The following CCZ1B variants were observed in gnomAD, a reference collection of about 807,000 sequenced individuals.
CCZ1B encodes the protein CCZ1B vacuolar protein trafficking and biogenesis associated.
A neutral mutation model predicts 58.8 loss-of-function variants in CCZ1B; 25 were observed. That is an observed-to-expected ratio of 0.43 (90% CI 0.31 to 0.59). The LOEUF is 0.59. Ranked by LOEUF, CCZ1B falls within the 20% of genes least tolerant of loss-of-function variation. The probability of loss-of-function intolerance (pLI) is 0.12; values close to 1 mark genes in which losing one functional copy is unlikely to be tolerated. For missense variants in CCZ1B, 180 were observed against 501.5 expected (o/e 0.36, Z 6.12); for synonymous variants, 66 against 173.2 (o/e 0.38, Z 4.86).
chr7:6,824,319 T>C lies in CCZ1B; in HGVS notation c.312+136A>G, dbSNP rs1012498819. On this transcript the variant is annotated intron_variant, in intron 3 of 14. Transcript: ENST00000316731. ...AATAAAGCAAATAGGAAGAACTTGA[T>C]TTTAAAATTGCAACCAATTTTATTT... The C allele has an allele frequency of 3.5e-6, 5 of 1,426,494 alleles. No homozygotes were observed. The African/African-American group carries it at 6.1e-5, about 17-fold the overall frequency. The allele number at this position is 1,426,494 out of a possible 1,614,324, so 88.4% of individuals were successfully genotyped here.
chr7:6,818,565 C>CAGAA (rs1783046860), intron 7 of CCZ1B, among the ~76,000 whole-genome samples: 2 of 105,492 alleles, frequency 1.9e-5, no homozygotes, highest in Admixed American at 1.1e-4. Context: ...GAAAGAAAGA[C>CAGAA]AGAAAGAAAG....
chr7:6,816,374 G>A (rs1325269192), intron 7 of CCZ1B, among the ~76,000 whole-genome samples: 2 of 148,576 alleles, frequency 1.3e-5, no homozygotes, highest in Admixed American at 6.7e-5. Context: ...CCAGCTACTT[G>A]GGAGACTGAG....
intron 7 of CCZ1B, among the ~76,000 whole-genome samples, chr7:6,816,971 C>T (rs150768280): frequency 7.1e-3 from 1,085 of 152,188 alleles, no homozygotes; most frequent in African/African-American, 0.025. Context: ...ACTATGCTGC[C>T]CAGGCTGGTC....
At chr7:6,821,025 C>G (rs1401694020) in intron 6 of CCZ1B, among the ~76,000 whole-genome samples, 2 of 149,396 alleles carry the variant, frequency 1.3e-5, no homozygotes, top group African/African-American at 5.0e-5. Context: ...TATTTCCCCC[C>G]CGAGATGGAG....
At chr7:6,818,290 T>C (rs1222771915) in intron 7 of CCZ1B, among the ~76,000 whole-genome samples, 2 of 149,842 alleles carry the variant, frequency 1.3e-5, no homozygotes, top group Non-Finnish European at 3.0e-5. Context: ...GGCTCACACC[T>C]GTAATCGCGG....
In CCZ1B at chr7:6,817,787, C is replaced by T. The variant is rs574368658; in HGVS notation, c.698+1979G>A. Among the ~76,000 whole-genome samples the T allele has an allele frequency of 5.6e-4, 84 of 149,564 alleles. 5 individuals carry two copies. Among genetic ancestry groups the T allele is most frequent in the Admixed American group, 1.1e-3 (16 of 15,016 alleles). On this transcript the variant is annotated intron_variant, in intron 7 of 14. Coordinates refer to ENST00000316731, the MANE Select transcript of CCZ1B (RefSeq NM_198097.5). ...CCCAGCACTGGGAGGCCGAGGTGGGCGGATCCTTTGAGGTCAGGAGTTCGA... is the reference window on the plus strand; with the variant it reads ...CCCAGCACTGGGAGGCCGAGGTGGGTGGATCCTTTGAGGTCAGGAGTTCGA...
Position 6,801,864 on chromosome 7 carries a change from G to A in CCZ1B, c.1107-341C>T, listed in dbSNP as rs1218762620. Among the ~76,000 whole-genome samples, 43 of 114,918 alleles carry A rather than the reference G, an allele frequency of 3.7e-4. No individual in the cohort carries two copies. The East Asian group carries it at 5.7e-3, about 15-fold the overall frequency. The allele number at this position is 114,918 out of a possible 152,430, so 75.4% of individuals were successfully genotyped here. On this transcript the variant is annotated intron_variant, in intron 12 of 14. Transcript: ENST00000316731. Reference sequence around the variant, plus strand: ...GCAGGGATTACAGGCGTGAGCCCCCGCGCCCGGCCCTGGCCCTCTTTTTCT... The same window carrying A: ...GCAGGGATTACAGGCGTGAGCCCCCACGCCCGGCCCTGGCCCTCTTTTTCT...
At chr7:6,803,718 C>T (rs1472785114) in intron 12 of CCZ1B, among the ~76,000 whole-genome samples, 1 of 148,480 alleles carries the variant, frequency 6.7e-6, no homozygotes, top group Non-Finnish European at 1.5e-5. Context: ...CATCCCAGCA[C>T]TTTGGGAGGC....
intron 11 of CCZ1B, chr7:6,805,742 C>CAA (rs879632125): frequency 0.34 from 104,400 of 309,036 alleles, 18,449 homozygotes; most frequent in South Asian, 0.57. Flanking sequence ...AAACAAACAA[C>CAA]CACAAAAACA....
intron 4 of CCZ1B, 142 bp from the exon 5 acceptor site, chr7:6,823,502 A>C: frequency 7.9e-7 from 1 of 1,271,654 alleles, no homozygotes; most frequent in Non-Finnish European, 1.0e-6. Context: ...TGCTGAAAAA[A>C]AGTGTTTGCG....
chr7:6,803,796 T>C (rs1265153009), intron 12 of CCZ1B, among the ~76,000 whole-genome samples: 2 of 151,224 alleles, frequency 1.3e-5, no homozygotes, highest in East Asian at 1.9e-4. Flanking sequence ...ACCCAGTCTC[T>C]ACAAAAATAC....
rs1282544756 is a variant in CCZ1B, at chr7:6,815,671, A to G, written c.699-826T>C. On this transcript the variant is annotated intron_variant, in intron 7 of 14. Coordinates refer to ENST00000316731, the MANE Select transcript of CCZ1B (RefSeq NM_198097.5). ...CTGACCGCGAAGTTAAGGAAGGTAA[A>G]GAGTTAAACTTCAGCCCAGGCACTG... Among the ~76,000 whole-genome samples the G allele has an allele frequency of 2.7e-5, 4 of 149,084 alleles. 1 individual carries two copies. The highest frequency in any genetic ancestry group is 5.9e-5 in the Non-Finnish European group (4 of 67,576).
chr7:6,799,297 C>A lies in CCZ1B; in HGVS notation c.1394-18G>T. ...GACCTCTTCTGCAACAAGGACACAACAGTGAGGAAGGAAGAGGCAGTCACT... is the reference window on the plus strand; with the variant it reads ...GACCTCTTCTGCAACAAGGACACAAAAGTGAGGAAGGAAGAGGCAGTCACT... On this transcript the variant is annotated intron_variant, in intron 14 of 14. Transcript: ENST00000316731. The A allele has an allele frequency of 2.8e-6, 3 of 1,074,236 alleles. 1 individual carries two copies. Among genetic ancestry groups the A allele is most frequent in the Non-Finnish European group, 3.5e-6 (3 of 846,110 alleles). 66.5% of individuals were successfully genotyped at this position (1,074,236 alleles called of 1,614,324 possible). A position where few individuals can be genotyped will look rare whatever the true frequency, so the allele number is the denominator to read the frequency against.
In CCZ1B at chr7:6,818,159, T is replaced by C. The variant is rs191056288; in HGVS notation, c.698+1607A>G. Among the ~76,000 whole-genome samples, 70 of 149,558 alleles carry C rather than the reference T, an allele frequency of 4.7e-4. 9 individuals carry two copies. Among genetic ancestry groups the C allele is most frequent in the African/African-American group, 1.6e-3 (63 of 39,860 alleles). Reference sequence around the variant, plus strand: ...CTTCTTAAAATGGAGCTACAAGATTTTGGCAGGGAAGGTAAATTTTAGGGG... The same window carrying C: ...CTTCTTAAAATGGAGCTACAAGATTCTGGCAGGGAAGGTAAATTTTAGGGG... On this transcript the variant is annotated intron_variant, in intron 7 of 14. Transcript: ENST00000316731.
intron 8 of CCZ1B, among the ~76,000 whole-genome samples, chr7:6,814,310 G>A (rs1386689312): frequency 6.7e-6 from 1 of 148,684 alleles, no homozygotes; most frequent in Non-Finnish European, 1.5e-5. Flanking sequence ...GCCAAGGTGG[G>A]CAGATCACAA....
At chr7:6,822,060 C>G (rs530826859) in intron 6 of CCZ1B, among the ~76,000 whole-genome samples, 1 of 149,474 alleles carries the variant, frequency 6.7e-6, no homozygotes, top group Non-Finnish European at 1.5e-5. Context: ...CCCGGGCAAA[C>G]GCAGGAAGCT....
At chr7:6,816,642 T>C (rs1443964299) in intron 7 of CCZ1B, among the ~76,000 whole-genome samples, 3 of 150,980 alleles carry the variant, frequency 2.0e-5, no homozygotes, top group Non-Finnish European at 4.4e-5. Context: ...GCGATCCTTC[T>C]GCCTCCTCCT....
At chr7:6,820,023 T>C in intron 6 of CCZ1B, 82 bp from the exon 7 acceptor site, 2 of 1,260,284 alleles carry the variant, frequency 1.6e-6, no homozygotes, top group South Asian at 2.7e-5. Flanking sequence ...TAATCTTATG[T>C]CAGACTCACA....
At chr7:6,800,669 C>CA (rs1165489275) in intron 14 of CCZ1B, among the ~76,000 whole-genome samples, 1 of 138,334 alleles carries the variant, frequency 7.2e-6, no homozygotes. Flanking sequence ...AACCTGTCTC[C>CA]AAAAAAAGGG....
Sources: allele counts gnomAD v4.1 joint callset (sites outside exome capture counted in the v4.1 genomes callset), GRCh38; gene constraint gnomAD v4.1.1; transcripts MANE v1.5; gene names NCBI Gene and HGNC (gene_info 2026-07-23, HGNC 2026-07-21).